The following OTOGL variants were observed in gnomAD, a reference collection of about 807,000 sequenced individuals.
OTOGL encodes otogelin-like protein.
In OTOGL, 285 loss-of-function variants were observed where a neutral mutation model predicts 318.5. The ratio of observed to expected loss-of-function variants is 0.89; its 90% CI spans 0.81 to 0.99. The LOEUF (loss-of-function observed/expected upper bound fraction) is 0.99, where lower values mean the gene tolerates loss of function less well. Among genes scored for constraint, OTOGL ranks in the 50% least tolerant of loss-of-function variants. The probability of loss-of-function intolerance (pLI) is 0.00; values close to 1 mark genes in which losing one functional copy is unlikely to be tolerated. For synonymous variants in OTOGL, 987 were observed against 936.5 expected, an observed-to-expected ratio of 1.05 and a Z score of -0.99; for missense variants, 2,899 against 2,845.6, an observed-to-expected ratio of 1.02 and a Z score of -0.43.
chr12:80,348,044 G>A (rs1387769988), intron 44 of OTOGL, among the ~76,000 whole-genome samples: 1 of 151,998 alleles, frequency 6.6e-6, no homozygotes, highest in Non-Finnish European at 1.5e-5. Context: ...TGGATAGATT[G>A]CAAAAATTTT....
chr12:80,172,670 G>A (rs1019466535), intron 1 of OTOGL, among the ~76,000 whole-genome samples: 2 of 151,876 alleles, frequency 1.3e-5, no homozygotes, highest in East Asian at 1.9e-4. Flanking sequence ...TAAAGAAAAT[G>A]TGGTACATAT....
intron 1 of OTOGL, among the ~76,000 whole-genome samples, chr12:80,101,685 T>TA (rs71978562): frequency 1.1e-4 from 16 of 152,152 alleles, no homozygotes; most frequent in South Asian, 2.1e-4. Context: ...CAGTTTTTTT[T>TA]AAAAAAATCC....
At chr12:80,208,915 A>G (rs1021630995) in intron 1 of OTOGL, among the ~76,000 whole-genome samples, 4 of 152,174 alleles carry the variant, frequency 2.6e-5, no homozygotes, top group African/African-American at 9.7e-5. Flanking sequence ...TTTAATTCCT[A>G]AAGAAAACTT....
At chr12:80,339,296 C>CTTTTTTTTT in intron 43 of OTOGL, 32 bp downstream of exon 43, 1 of 434,292 alleles carries the variant, frequency 2.3e-6, no homozygotes, top group Non-Finnish European at 3.3e-6. Flanking sequence ...TTGATTTCGT[C>CTTTTTTTTT]TGTTTTTTTT....
rs544841075 is a variant in OTOGL, at chr12:80,286,789, A to G, written c.2928+7623A>G. ...GAAAATCTTCTCTCTTTTCTTCTTT[A>G]TTAGTCTGGCTAGTGGTCTGTTTTG... On this transcript the variant is annotated intron_variant, in intron 26 of 58. Coordinates refer to ENST00000547103, the MANE Select transcript of OTOGL (RefSeq NM_001378609.3). Among the ~76,000 whole-genome samples, 17 of 151,824 alleles carry G rather than the reference A, an allele frequency of 1.1e-4. No individual in the cohort carries two copies. In the South Asian group the frequency reaches 3.3e-3, roughly 30 times the overall value.
chr12:80,113,930 T>C (rs1427771945), intron 1 of OTOGL, among the ~76,000 whole-genome samples: 1 of 152,202 alleles, frequency 6.6e-6, no homozygotes, highest in Non-Finnish European at 1.5e-5. Context: ...AGACTAGGAT[T>C]GCAACACCTG....
chr12:80,276,239 T>C (rs1031449992), intron 24 of OTOGL, among the ~76,000 whole-genome samples: 1 of 151,846 alleles, frequency 6.6e-6, no homozygotes. Flanking sequence ...AAGAGTCTAA[T>C]GTTTGAGGCA....
chr12:80,177,172 T>C (rs1359133108), intron 1 of OTOGL, among the ~76,000 whole-genome samples: 2 of 152,164 alleles, frequency 1.3e-5, no homozygotes, highest in African/African-American at 4.8e-5. Flanking sequence ...TTATAGTTCA[T>C]GTCTTTTTAT....
chr12:80,208,230 C>A (rs7959180), intron 1 of OTOGL: 12,323 of 516,516 alleles, frequency 0.024, 1,242 homozygotes, highest in African/African-American at 0.22. Context: ...TTATCTAGAG[C>A]AAGAGTAAAT....
chr12:80,125,505 T>C (rs1382400522), intron 1 of OTOGL, among the ~76,000 whole-genome samples: 1 of 152,214 alleles, frequency 6.6e-6, no homozygotes, highest in African/African-American at 2.4e-5. Context: ...TTCTCTTTTT[T>C]GATTGTGTCT....
chr12:80,341,268 A>G (rs1888753410), intron 43 of OTOGL, among the ~76,000 whole-genome samples: 1 of 152,080 alleles, frequency 6.6e-6, no homozygotes, highest in Non-Finnish European at 1.5e-5. Flanking sequence ...AAGGCATCCC[A>G]AGGAAGGGAA....
chr12:80,131,324 C>A (rs1376961376), intron 1 of OTOGL, among the ~76,000 whole-genome samples: 1 of 152,162 alleles, frequency 6.6e-6, no homozygotes, highest in Non-Finnish European at 1.5e-5. Context: ...GCATAGAGAA[C>A]AATAGCTCCA....
Position 80,218,897 on chromosome 12 carries a change from C to T in OTOGL, c.236-917C>T, listed in dbSNP as rs576521615. ...GCAACTTCTGCCTCCTGGATTCAAG[C>T]GATTCTCCTGCCTCAGCCTCCTGAG... On this transcript the variant is annotated intron_variant, in intron 5 of 58. Coordinates refer to ENST00000547103, the MANE Select transcript of OTOGL (RefSeq NM_001378609.3). 6.9e-5 allele frequency among the ~76,000 whole-genome samples: 10 copies of T among 145,278 alleles called. No individual in the cohort carries two copies. The East Asian group carries it at 1.0e-3, about 15-fold the overall frequency.
rs1024510437 is a variant in OTOGL, at chr12:80,211,843, T to C, written c.120-106T>C. 7 of 921,108 alleles carry C rather than the reference T, an allele frequency of 7.6e-6. No homozygotes were observed. In the African/African-American group the frequency reaches 1.2e-4, roughly 15 times the overall value. 57.1% of individuals were successfully genotyped at this position (921,108 alleles called of 1,614,324 possible). A position where few individuals can be genotyped will look rare whatever the true frequency, so the allele number is the denominator to read the frequency against. On this transcript the variant is annotated intron_variant, in intron 3 of 58. Coordinates refer to ENST00000547103, the MANE Select transcript of OTOGL (RefSeq NM_001378609.3). ...GTTAAACCAAGAAAGACCTCTTTGA[T>C]AAAGTGATGGAAATCAGGAGGAAAA...
rs758552626 is a variant in OTOGL at position 80,252,113 on chromosome 12, T to C, written c.1197T>C (p.Cys399=). ...ATGATAGCTTTGTCCATCGGGACTG[T>C]ATCAGTTGTTGTCCACCAACCTGCA... ...KCDDSFVHRD[C]ISCCPPTCTF... The change falls in exon 13 of 59, where the codon TGT becomes TGC. Residue 399 remains cysteine, a synonymous_variant. Coordinates refer to ENST00000547103, the MANE Select transcript of OTOGL (RefSeq NM_001378609.3). 1 of 1,560,828 alleles carries C rather than the reference T, an allele frequency of 6.4e-7. No individual in the cohort carries two copies. The highest frequency in any genetic ancestry group is 1.9e-5 in the Admixed American group (1 of 52,078).
intron 1 of OTOGL, among the ~76,000 whole-genome samples, chr12:80,114,228 T>A (rs1283670575): frequency 6.6e-6 from 1 of 152,152 alleles, no homozygotes; most frequent in Non-Finnish European, 1.5e-5. Flanking sequence ...TACATTTTGG[T>A]TTGTTTTTGC....
intron 26 of OTOGL, among the ~76,000 whole-genome samples, chr12:80,292,563 GA>G (rs1172057061): frequency 6.6e-6 from 1 of 152,166 alleles, no homozygotes; most frequent in Non-Finnish European, 1.5e-5. Flanking sequence ...CTTCCTTAAG[GA>G]AGCAAGTTGT....
intron 1 of OTOGL, among the ~76,000 whole-genome samples, chr12:80,158,594 T>G (rs752606608): frequency 2.0e-5 from 3 of 151,954 alleles, no homozygotes; most frequent in Admixed American, 6.6e-5. Flanking sequence ...TGTATAAGCT[T>G]TTGTAAAATG....
chr12:80,137,685 C>T (rs921589399), intron 1 of OTOGL, among the ~76,000 whole-genome samples: 15 of 152,168 alleles, frequency 9.9e-5, no homozygotes, highest in Admixed American at 9.8e-4. Context: ...AAATTAACAG[C>T]AAGCTGGAAC....
Sources: gnomAD v4.1 joint callset for allele counts (sites outside exome capture counted in the v4.1 genomes callset) on GRCh38, gnomAD v4.1.1 for gene constraint, MANE v1.5 for transcripts, NCBI Gene and HGNC (gene_info 2026-07-23, HGNC 2026-07-21) for gene names.